EPHA6: variants seen among roughly 807,000 people sequenced by gnomAD.
The protein encoded by EPHA6 is ephrin type-A receptor 6.
EPHA6 carries 50 observed loss-of-function variants against 112.0 expected under a neutral mutation model. That is an observed-to-expected ratio of 0.45 (90% CI 0.36 to 0.56). The LOEUF (loss-of-function observed/expected upper bound fraction) is 0.56, where lower values mean the gene tolerates loss of function less well. EPHA6 is among the 20% of genes least tolerant of loss of function. EPHA6 has a pLI of 0.00. For synonymous variants in EPHA6, 529 were observed against 490.7 expected, an observed-to-expected ratio of 1.08 and a Z score of -1.03; for missense variants, 1,280 against 1,417.4, an observed-to-expected ratio of 0.90 and a Z score of 1.56.
chr3:97,730,039 G>A (rs1261981375), intron 15 of EPHA6, among the ~76,000 whole-genome samples: 6 of 151,990 alleles, frequency 3.9e-5, no homozygotes, highest in East Asian at 1.9e-4. Flanking sequence ...TAAATTCAAC[G>A]TGCCTCTCTT....
chr3:97,626,334 C>T lies in EPHA6; in HGVS notation c.2575-11539C>T, dbSNP rs143069164. 2.1e-3 allele frequency among the ~76,000 whole-genome samples: 326 copies of T among 151,914 alleles called. 1 individual carries two copies. The highest frequency in any genetic ancestry group is 7.6e-3 in the African/African-American group (317 of 41,506). On this transcript the variant is annotated intron_variant, in intron 13 of 17. Coordinates refer to ENST00000389672, the MANE Select transcript of EPHA6 (RefSeq NM_001080448.3). Reference sequence around the variant, plus strand: ...TTAACTAATAATGCTGAACATTCAGCTGATGCTGAAGAACATAAATGTGTT... The same window carrying T: ...TTAACTAATAATGCTGAACATTCAGTTGATGCTGAAGAACATAAATGTGTT...
intron 2 of EPHA6, among the ~76,000 whole-genome samples, chr3:96,883,692 G>A (rs899329588): frequency 6.6e-6 from 1 of 152,038 alleles, no homozygotes; most frequent in Admixed American, 6.6e-5. Context: ...TTGAGACAGA[G>A]TCTCACTCTG....
chr3:96,820,633 G>A (rs760369331), intron 1 of EPHA6, among the ~76,000 whole-genome samples: 12 of 151,972 alleles, frequency 7.9e-5, no homozygotes, highest in Non-Finnish European at 1.8e-4. Context: ...AAAATATGTA[G>A]CAAGGCTGAG....
intron 1 of EPHA6, among the ~76,000 whole-genome samples, chr3:96,859,736 C>T (rs748883898): frequency 3.9e-5 from 6 of 152,004 alleles, no homozygotes; most frequent in Admixed American, 2.0e-4. Flanking sequence ...ATTTCCCTTT[C>T]TGTTGTCTAC....
intron 11 of EPHA6, among the ~76,000 whole-genome samples, chr3:97,552,213 A>G (rs1384462974): frequency 6.6e-6 from 1 of 152,226 alleles, no homozygotes; most frequent in Non-Finnish European, 1.5e-5. Context: ...AGTTTTAATT[A>G]CATAACATGT....
intron 14 of EPHA6, among the ~76,000 whole-genome samples, chr3:97,685,958 TGAGCCCTG>T (rs1439692090): frequency 6.6e-6 from 1 of 152,140 alleles, no homozygotes; most frequent in African/African-American, 2.4e-5. Context: ...GGTAAATCTC[TGAGCCCTG>T]GAATGGCAAA....
chr3:96,955,309 A>G lies in EPHA6; in HGVS notation c.451-32021A>G, dbSNP rs1389392191. Among the ~76,000 whole-genome samples, 7 of 152,256 alleles carry G rather than the reference A, an allele frequency of 4.6e-5. No individual in the cohort carries two copies. The East Asian group carries it at 7.7e-4, about 17-fold the overall frequency. On this transcript the variant is annotated intron_variant, in intron 2 of 17. Coordinates refer to ENST00000389672, the MANE Select transcript of EPHA6 (RefSeq NM_001080448.3). ...TGTTTTTTGTCTATGGACATATTAT[A>G]TCTCTTTTCATTTATTTGGATTTCC...
chr3:97,038,879 T>G (rs1483466391), intron 3 of EPHA6, among the ~76,000 whole-genome samples: 2 of 152,042 alleles, frequency 1.3e-5, no homozygotes, highest in Admixed American at 1.3e-4. Flanking sequence ...TTCCTTCCTG[T>G]GTGTTCAGAG....
intron 3 of EPHA6, among the ~76,000 whole-genome samples, chr3:96,998,386 C>G (rs540844162): frequency 6.6e-6 from 1 of 151,984 alleles, no homozygotes; most frequent in South Asian, 2.1e-4. Flanking sequence ...CTATCATTAT[C>G]TCCTTTCTTT....
intron 5 of EPHA6, among the ~76,000 whole-genome samples, chr3:97,314,013 G>C (rs1427387458): frequency 6.6e-6 from 1 of 151,402 alleles, no homozygotes. Context: ...TTAGTTTCAG[G>C]TCTTACATGT....
intron 5 of EPHA6, among the ~76,000 whole-genome samples, chr3:97,282,051 C>T (rs1251019453): frequency 1.3e-5 from 2 of 152,154 alleles, no homozygotes; most frequent in East Asian, 3.9e-4. Flanking sequence ...CTGTGACAGT[C>T]AAGGAATGTT....
chr3:96,936,383 T>C (rs1253390019), intron 2 of EPHA6, among the ~76,000 whole-genome samples: 1 of 151,956 alleles, frequency 6.6e-6, no homozygotes, highest in Non-Finnish European at 1.5e-5. Context: ...GTATCTGCTT[T>C]ACATAAACCT....
intron 5 of EPHA6, among the ~76,000 whole-genome samples, chr3:97,331,004 C>A (rs1226337007): frequency 6.6e-6 from 1 of 152,108 alleles, no homozygotes; most frequent in South Asian, 2.1e-4. Context: ...AAGTAAAGCA[C>A]TCCTCAGCAA....
chr3:97,108,726 A>T, intron 3 of EPHA6, among the ~76,000 whole-genome samples: 1 of 152,150 alleles, frequency 6.6e-6, no homozygotes, highest in Non-Finnish European at 1.5e-5. Context: ...GGACAAGGTA[A>T]ACATTAACAA....
chr3:96,905,702 C>T (rs572422797), intron 2 of EPHA6, among the ~76,000 whole-genome samples: 8 of 151,304 alleles, frequency 5.3e-5, no homozygotes, highest in African/African-American at 1.7e-4. Context: ...TAATTATTCT[C>T]ATTAGGTTTT....
chr3:97,649,479 C>A (rs189322470), intron 14 of EPHA6, among the ~76,000 whole-genome samples: 2 of 151,952 alleles, frequency 1.3e-5, no homozygotes, highest in African/African-American at 4.8e-5. Flanking sequence ...AATATAAGAA[C>A]AAGCTCCTTC....
At chr3:97,687,157 A>C (rs1336267713) in intron 14 of EPHA6, among the ~76,000 whole-genome samples, 2 of 152,134 alleles carry the variant, frequency 1.3e-5, no homozygotes, top group Non-Finnish European at 2.9e-5. Context: ...GCCTATCTTC[A>C]TTCTCAGTGT....
At chr3:97,315,277 G>A (rs1490958629) in intron 5 of EPHA6, among the ~76,000 whole-genome samples, 1 of 151,474 alleles carries the variant, frequency 6.6e-6, no homozygotes, top group African/African-American at 2.4e-5. Context: ...TTAAAATTAG[G>A]GATCACGAGA....
chr3:96,834,510 T>C (rs1265627999), intron 1 of EPHA6, among the ~76,000 whole-genome samples: 1 of 152,058 alleles, frequency 6.6e-6, no homozygotes, highest in Non-Finnish European at 1.5e-5. Context: ...ACGTCGGAGT[T>C]GCTCTGAATT....
Sources: allele counts gnomAD v4.1 joint callset (sites outside exome capture counted in the v4.1 genomes callset), GRCh38; gene constraint gnomAD v4.1.1; transcripts MANE v1.5; gene names NCBI Gene and HGNC (gene_info 2026-07-23, HGNC 2026-07-21).